Variants in PYCR3 observed in about 807,000 individuals in gnomAD.
The protein encoded by PYCR3 is P5C reductase 3.
Under a neutral mutation model 23.4 loss-of-function variants are expected in PYCR3, and 26 were observed. The observed-to-expected ratio is 1.11, with a 90% CI of 0.81 to 1.54. PYCR3 has a LOEUF of 1.54. Ranked by LOEUF, PYCR3 falls within the 40% of genes most tolerant of loss-of-function variation. PYCR3 has a pLI of 0.00. For missense variants in PYCR3, 360 were observed against 376.3 expected (o/e 0.96, Z 0.36); for synonymous variants, 194 against 162.6 (o/e 1.19, Z -1.47).
Position 143,606,614 on chromosome 8 carries a change from C to T in PYCR3, c.402G>A (p.Gly134=), listed in dbSNP as rs781442740. 1 of 1,610,882 alleles carries T rather than the reference C, an allele frequency of 6.2e-7. No individual in the cohort carries two copies. The highest frequency in any genetic ancestry group is 8.5e-7 in the Non-Finnish European group (1 of 1,179,124). The change falls in exon 4 of 6, where the codon GGG becomes GGA. Residue 134 remains glycine, a synonymous_variant. Coordinates refer to ENST00000495276, the MANE Select transcript of PYCR3 (RefSeq NM_023078.6). The part of the protein sequence containing the change: ...LPNLPCVVQE[G]AIVMARGRHV... ...GGCGGCCCCGCGCCATCACTATGGC[C>T]CCTTCCTGGACCACACAGGGCAGGT...
intron 1 of PYCR3, 40 bp from the exon 2 acceptor site, chr8:143,608,166 T>G: frequency 6.6e-7 from 1 of 1,507,418 alleles, no homozygotes; most frequent in Non-Finnish European, 9.2e-7. Context: ...GGTGAAGGGG[T>G]GGGATAGGAT....
Position 143,609,374 on chromosome 8 carries a change from C to T in PYCR3, c.91+84G>A, listed in dbSNP as rs1024254950. The T allele has an allele frequency of 5.0e-5, 67 of 1,351,556 alleles. No homozygotes were observed. In the East Asian group the frequency reaches 1.8e-3, roughly 35 times the overall value. 83.7% of individuals were successfully genotyped at this position (1,351,556 alleles called of 1,614,324 possible). On this transcript the variant is annotated intron_variant, in intron 1 of 5. Transcript: ENST00000495276. ...GGAGACCCGGTTGGCTGGGCCCGCG[C>T]CCCCGGCCCCACTCTCGCGGCAGGA...
rs118119099 is a variant in PYCR3, at chr8:143,606,178, G to A, written c.550-24C>T. 2.9e-5 allele frequency: 46 copies of A among 1,585,996 alleles called. No homozygotes were observed. In the East Asian group the frequency reaches 8.9e-4, roughly 31 times the overall value. ...ACCTGTAGCCGCGGCATGGTGGTTGGGGGGGATAGGTGTCAAAGCCTGGGG... is the reference window on the plus strand; with the variant it reads ...ACCTGTAGCCGCGGCATGGTGGTTGAGGGGGATAGGTGTCAAAGCCTGGGG... On this transcript the variant is annotated intron_variant, in intron 4 of 5. Transcript: ENST00000495276.
chr8:143,607,280 T>C, intron 2 of PYCR3, 148 bp from the exon 3 acceptor site: 3 of 729,932 alleles, frequency 4.1e-6, no homozygotes, highest in Non-Finnish European at 6.4e-6. Context: ...ACTTCTCCAG[T>C]GCCCAAGACT....
rs1014566129 is a variant in PYCR3 at position 143,604,671 on chromosome 8, T to C, written c.*1029A>G. The C allele has an allele frequency of 9.2e-6, 3 of 324,348 alleles. No individual in the cohort carries two copies. The highest frequency in any genetic ancestry group is 4.7e-5 in the South Asian group (2 of 42,216). 20.1% of individuals were successfully genotyped at this position (324,348 alleles called of 1,614,324 possible). A position where few individuals can be genotyped will look rare whatever the true frequency, so the allele number is the denominator to read the frequency against. ...AATCTTGTGGGGCAGGGGACGGAGC[T>C]GAGGCTGTCCGGCCCGGGCCCTCCC... On this transcript the variant is annotated 3_prime_UTR_variant, in exon 6 of 6. Coordinates refer to ENST00000495276, the MANE Select transcript of PYCR3 (RefSeq NM_023078.6).
chr8:143,608,901 C>A, intron 1 of PYCR3: 1 of 456,780 alleles, frequency 2.2e-6, no homozygotes. Context: ...TCAAAAGTCA[C>A]CCAGCTCTCC....
chr8:143,605,469 A>G lies in PYCR3; in HGVS notation c.*231T>C. On this transcript the variant is annotated 3_prime_UTR_variant, in exon 6 of 6. Coordinates refer to ENST00000495276, the MANE Select transcript of PYCR3 (RefSeq NM_023078.6). The stretch of plus-strand genomic sequence containing the variant: ...GTGGGCTCACTGCAGCAAGGGGCAG[A>G]GCCACCACCACGGTGCCTTCTGCTC... 1.8e-6 allele frequency: 1 copy of G among 552,498 alleles called. No homozygotes were observed. Among genetic ancestry groups the G allele is most frequent in the South Asian group, 2.6e-5 (1 of 38,784 alleles). 34.2% of individuals were successfully genotyped at this position (552,498 alleles called of 1,614,324 possible).
intron 3 of PYCR3, 137 bp from the exon 4 acceptor site, chr8:143,606,816 G>A: frequency 2.2e-6 from 3 of 1,340,046 alleles, no homozygotes; most frequent in Non-Finnish European, 3.1e-6. Flanking sequence ...AGCACCAGGA[G>A]GGAACCCTAA....
At position 143,604,770 on chromosome 8, in the gene PYCR3, C is replaced by G; in HGVS notation, c.*930G>C. The G allele has an allele frequency of 2.4e-6, 1 of 412,882 alleles. No individual in the cohort carries two copies. The highest frequency in any genetic ancestry group is 1.7e-5 in the South Asian group (1 of 59,272). 25.6% of individuals were successfully genotyped at this position (412,882 alleles called of 1,614,324 possible). A position where few individuals can be genotyped will look rare whatever the true frequency, so the allele number is the denominator to read the frequency against. On this transcript the variant is annotated 3_prime_UTR_variant, in exon 6 of 6. Transcript: ENST00000495276. ...TCCCCTGAGTCCTGGCTTTCCTGAC[C>G]TGCCGTCCGTTAGGGACAGGTGGAG...
In PYCR3 at chr8:143,603,423, C is replaced by T. The variant is rs994772101; in HGVS notation, c.*2277G>A. Among the ~76,000 whole-genome samples, 4 of 152,190 alleles carry T rather than the reference C, an allele frequency of 2.6e-5. No homozygotes were observed. The highest frequency in any genetic ancestry group is 1.9e-4 in the East Asian group (1 of 5,196). ...ACAGGGGAGGCCTGGCTCACCACAACGCTCCCTGCCGTGCCGAGAACTGAG... is the reference window on the plus strand; with the variant it reads ...ACAGGGGAGGCCTGGCTCACCACAATGCTCCCTGCCGTGCCGAGAACTGAG... On this transcript the variant is annotated 3_prime_UTR_variant, in exon 6 of 6. Transcript: ENST00000495276.
chr8:143,608,786 C>T (rs1214491820), intron 1 of PYCR3: 1 of 456,226 alleles, frequency 2.2e-6, no homozygotes, highest in Non-Finnish European at 4.4e-6. Context: ...GGGAGGCATG[C>T]GGTACTGCCA....
chr8:143,608,854 C>A (rs151033201), intron 1 of PYCR3: 5 of 456,658 alleles, frequency 1.1e-5, no homozygotes, highest in African/African-American at 2.0e-5. Flanking sequence ...TTGATCTTGA[C>A]TCTTCTGGAC....
Position 143,605,381 on chromosome 8 carries a change from A to C in PYCR3, c.*319T>G. ...GTTCATGGCCTCAACCAACTGCCCA[A>C]CCATGCGGGCAAATGACCAAGACGC... On this transcript the variant is annotated 3_prime_UTR_variant, in exon 6 of 6. Transcript: ENST00000495276. 1 of 421,696 alleles carries C rather than the reference A, an allele frequency of 2.4e-6. No individual in the cohort carries two copies. The highest frequency in any genetic ancestry group is 4.3e-6 in the Non-Finnish European group (1 of 232,140). The allele number at this position is 421,696 out of a possible 1,614,324, so 26.1% of individuals were successfully genotyped here. A position where few individuals can be genotyped will look rare whatever the true frequency, so the allele number is the denominator to read the frequency against.
intron 3 of PYCR3, 108 bp downstream of exon 3, chr8:143,606,845 G>A: frequency 7.2e-7 from 1 of 1,390,772 alleles, no homozygotes. Context: ...ACTTGATCCA[G>A]GTGGGCCACA....
At chr8:143,606,858 G>A in intron 3 of PYCR3, 95 bp downstream of exon 3, 1 of 1,429,656 alleles carries the variant, frequency 7.0e-7, no homozygotes, top group Non-Finnish European at 9.5e-7. Context: ...GGGCCACACG[G>A]CCACCTCTCA....
rs898671690 is a variant in PYCR3 at position 143,607,113 on chromosome 8, G to A, written c.176C>T (p.Thr59Met). Residue 59 changes from threonine (T) to methionine (M), a missense_variant, in exon 3 of 6, where the codon ACG becomes ATG. By Grantham distance (81) the Thr-to-Met change is moderately conservative. Transcript: ENST00000495276. ...CHFQALGCRT[T>M]HSNQEVLQSC... Reference sequence around the variant, plus strand: ...CTGCAGCACCTCCTGGTTGGAGTGCGTGGTCCGGCAACCCAGAGCCTGCGC... The same window carrying A: ...CTGCAGCACCTCCTGGTTGGAGTGCATGGTCCGGCAACCCAGAGCCTGCGC... The A allele has an allele frequency of 2.9e-5, 46 of 1,592,966 alleles. No individual in the cohort carries two copies. The highest frequency in any genetic ancestry group is 1.3e-4 in the African/African-American group (10 of 74,332).
At chr8:143,606,003 A>C in intron 5 of PYCR3, 59 bp downstream of exon 5, 3 of 1,564,092 alleles carry the variant, frequency 1.9e-6, no homozygotes, top group Non-Finnish European at 2.6e-6. Context: ...TTCCCTGCGC[A>C]CTGGAAGAGG....
Position 143,609,561 on chromosome 8 carries a change from G to C in PYCR3, c.-13C>G, listed in dbSNP as rs1829492013. The C allele has an allele frequency of 6.7e-7, 1 of 1,497,304 alleles. No homozygotes were observed. The highest frequency in any genetic ancestry group is 8.8e-7 in the Non-Finnish European group (1 of 1,131,016). The allele number at this position is 1,497,304 out of a possible 1,614,324, so 92.8% of individuals were successfully genotyped here. On this transcript the variant is annotated 5_prime_UTR_variant, in exon 1 of 6. Transcript: ENST00000495276. ...CCGCAGCTGCCATCTTGTTGCCTCG[G>C]ACGCCGCTGCGCTCACCGCCCATCC...
intron 5 of PYCR3, 29 bp from the exon 6 acceptor site, chr8:143,605,911 G>T (rs1829383090): frequency 6.3e-7 from 1 of 1,589,368 alleles, no homozygotes; most frequent in Non-Finnish European, 8.6e-7. Context: ...CCTGGTGACG[G>T]GGGGAGGTGG....
Sources: gnomAD v4.1 joint callset for allele counts (sites outside exome capture counted in the v4.1 genomes callset) on GRCh38, gnomAD v4.1.1 for gene constraint, MANE v1.5 for transcripts, NCBI Gene and HGNC (gene_info 2026-07-23, HGNC 2026-07-21) for gene names.